RAB11FIP3: variants seen among roughly 807,000 people sequenced by gnomAD.
The protein encoded by RAB11FIP3 is RAB11 family interacting protein 3.
In RAB11FIP3, 17 loss-of-function variants were observed where a neutral mutation model predicts 77.8. That is an observed-to-expected ratio of 0.22 (90% CI 0.15 to 0.33). The LOEUF (loss-of-function observed/expected upper bound fraction) is 0.33, where lower values mean the gene tolerates loss of function less well. Among genes scored for constraint, RAB11FIP3 ranks in the 10% least tolerant of loss-of-function variants. The pLI, the probability that RAB11FIP3 is intolerant of heterozygous loss-of-function variation, is 1.00. For missense variants in RAB11FIP3, 1,005 were observed against 1,011.2 expected, an observed-to-expected ratio of 0.99 and a Z score of 0.08; for synonymous variants, 437 against 448.2, an observed-to-expected ratio of 0.98 and a Z score of 0.31.
rs138573944 is a variant in RAB11FIP3, at chr16:430,753, C to T, written c.714+4033C>T. 6.5e-3 allele frequency among the ~76,000 whole-genome samples: 980 copies of T among 151,712 alleles called. 17 individuals are homozygous for T. Among genetic ancestry groups the T allele is most frequent in the African/African-American group, 0.023 (929 of 41,008 alleles). On this transcript the variant is annotated intron_variant, in intron 1 of 13. Coordinates refer to ENST00000262305, the MANE Select transcript of RAB11FIP3 (RefSeq NM_014700.4). ...AAAATTGGCTGGGTGCAGTGGCTCA[C>T]GCCTGTAATCCCAGCATTTTGGGAG...
chr16:495,095 C>G (rs1280213920), intron 5 of RAB11FIP3, among the ~76,000 whole-genome samples: 4 of 152,160 alleles, frequency 2.6e-5, no homozygotes, highest in African/African-American at 9.7e-5. Flanking sequence ...GCCACAGAGT[C>G]ATACCTTGCC....
chr16:495,050 G>GAGGTGGGAGGATCACATGAT (rs2030993906), intron 5 of RAB11FIP3, among the ~76,000 whole-genome samples: 4 of 150,376 alleles, frequency 2.7e-5, no homozygotes, highest in Non-Finnish European at 4.5e-5. Flanking sequence ...CGAGGCTGCA[G>GAGGTGGGAGGATCACATGAT]CGAGCTGTGG....
At chr16:443,698 T>A (rs547393531) in intron 1 of RAB11FIP3, among the ~76,000 whole-genome samples, 2 of 152,132 alleles carry the variant, frequency 1.3e-5, no homozygotes, top group Non-Finnish European at 2.9e-5. Flanking sequence ...CCCGAATAGC[T>A]GGGACTACAG....
intron 1 of RAB11FIP3, among the ~76,000 whole-genome samples, chr16:449,190 T>C (rs941015070): frequency 3.9e-5 from 6 of 152,064 alleles, no homozygotes; most frequent in African/African-American, 1.4e-4. Flanking sequence ...CACATCCTCC[T>C]CCAGGCCTGT....
rs974279356 is a variant in RAB11FIP3 at position 520,178 on chromosome 16, C to T, written c.1917C>T (p.Ala639=). 1.2e-5 allele frequency: 18 copies of T among 1,546,692 alleles called. No individual in the cohort carries two copies. The highest frequency in any genetic ancestry group is 3.6e-5 in the South Asian group (3 of 84,256). The change falls in exon 12 of 14, where the codon GCC becomes GCT. Residue 639 remains alanine, a synonymous_variant. Transcript: ENST00000262305. ...LEHLQLLKLE[A]EQRRGRSSSM... ...ACCTGCAGCTCCTCAAGCTGGAGGC[C>T]GAGCAGCGGCGGGGCCGCAGCAGCA...
intron 1 of RAB11FIP3, among the ~76,000 whole-genome samples, chr16:455,756 T>G (rs1003781868): frequency 2.6e-5 from 4 of 151,992 alleles, no homozygotes; most frequent in African/African-American, 9.7e-5. Flanking sequence ...GACCGACGAA[T>G]TTTTTGGAAT....
Position 494,532 on chromosome 16 carries a change from G to A in RAB11FIP3, c.1266-2292G>A, listed in dbSNP as rs2030926509. Among the ~76,000 whole-genome samples the A allele has an allele frequency of 2.0e-5, 3 of 152,014 alleles. No homozygotes were observed. The South Asian group carries it at 6.2e-4, about 32-fold the overall frequency. On this transcript the variant is annotated intron_variant, in intron 5 of 13. Coordinates refer to ENST00000262305, the MANE Select transcript of RAB11FIP3 (RefSeq NM_014700.4). ...AGCTACTCGGGAGGCTGAGGCCGGA[G>A]AATGGCGTGAACCCGGGAGGTGGAA...
rs971796443 is a variant in RAB11FIP3, at chr16:506,498, G to A, written c.1499+871G>A. Among the ~76,000 whole-genome samples the A allele has an allele frequency of 6.6e-6, 1 of 152,116 alleles. No homozygotes were observed. Among genetic ancestry groups the A allele is most frequent in the Non-Finnish European group, 1.5e-5 (1 of 68,040 alleles). ...TCCACATATTCTCAGCTCGGCCAAG[G>A]GCCCTGTCCCTTGAAGCTTCAGTGT... On this transcript the variant is annotated intron_variant, in intron 8 of 13. Coordinates refer to ENST00000262305, the MANE Select transcript of RAB11FIP3 (RefSeq NM_014700.4). This position sits in a 1 kb window ranked among gnomAD's most constrained non-coding sequence, Gnocchi z 4.5.
intron 1 of RAB11FIP3, among the ~76,000 whole-genome samples, chr16:458,227 G>C (rs577676025): frequency 6.6e-6 from 1 of 152,368 alleles, no homozygotes; most frequent in East Asian, 1.9e-4. Context: ...GGGCTCTCTG[G>C]ATTGCCTCCT....
intron 8 of RAB11FIP3, among the ~76,000 whole-genome samples, chr16:508,207 G>C (rs1006917385): frequency 2.6e-5 from 4 of 152,218 alleles, no homozygotes; most frequent in Middle Eastern, 3.2e-3. Flanking sequence ...CGAATTCCCT[G>C]AGAATGTGAA....
chr16:469,435 C>T (rs138629369), intron 2 of RAB11FIP3, among the ~76,000 whole-genome samples: 1 of 151,596 alleles, frequency 6.6e-6, no homozygotes, highest in Non-Finnish European at 1.5e-5. Context: ...CACTTTGTCA[C>T]CCAGGTTGGA....
chr16:488,107 G>C (rs529351604), intron 4 of RAB11FIP3, among the ~76,000 whole-genome samples: 1 of 152,364 alleles, frequency 6.6e-6, no homozygotes, highest in South Asian at 2.1e-4. Flanking sequence ...CGGGCCAGGC[G>C]TGGTGGCTCA....
intron 9 of RAB11FIP3, among the ~76,000 whole-genome samples, chr16:517,092 G>A (rs1195997985): frequency 3.3e-5 from 5 of 152,178 alleles, no homozygotes; most frequent in African/African-American, 1.2e-4. Flanking sequence ...GTGACGGGAA[G>A]GGCCCCGCAC....
At chr16:511,871 GT>G (rs2032191628) in intron 9 of RAB11FIP3, among the ~76,000 whole-genome samples, 1 of 127,376 alleles carries the variant, frequency 7.9e-6, no homozygotes, top group African/African-American at 3.2e-5. Context: ...CCAGGTAGGA[GT>G]AGTTCCCTGA....
chr16:520,478 A>G lies in RAB11FIP3; in HGVS notation c.2036A>G (p.Glu679Gly), dbSNP rs2032634374. The G allele has an allele frequency of 1.2e-6, 2 of 1,613,490 alleles. No homozygotes were observed. The highest frequency in any genetic ancestry group is 1.7e-6 in the Non-Finnish European group (2 of 1,179,988). ...CTTCAGGACAACCGCAACCTGAAGG[A>G]GCAGAACGAGGAGCTGAACGGGCAG... ...RLKQDNRNLK[E>G]QNEELNGQII... Residue 679 changes from glutamate (E) to glycine (G), a missense_variant, in exon 13 of 14, where the codon GAG becomes GGG. Around this residue, in one of 4 missense-constraint regions of RAB11FIP3, gnomAD observed 90 missense variants for 129.7 expected, o/e 0.69. Coordinates refer to ENST00000262305, the MANE Select transcript of RAB11FIP3 (RefSeq NM_014700.4).
At chr16:492,353 A>G (rs2030314062) in intron 5 of RAB11FIP3, among the ~76,000 whole-genome samples, 1 of 31,614 alleles carries the variant, frequency 3.2e-5, no homozygotes, top group African/African-American at 4.7e-4. Flanking sequence ...GTGCTCTTTG[A>G]AGAGGGTCTT....
intron 1 of RAB11FIP3, among the ~76,000 whole-genome samples, chr16:431,626 C>T (rs922375158): frequency 2.0e-5 from 3 of 152,174 alleles, no homozygotes; most frequent in African/African-American, 7.2e-5. Context: ...CCACCTGCCT[C>T]AGCCTCCCAA....
intron 1 of RAB11FIP3, among the ~76,000 whole-genome samples, chr16:460,381 G>C (rs565543023): frequency 6.6e-6 from 1 of 152,164 alleles, no homozygotes; most frequent in South Asian, 2.1e-4. Flanking sequence ...ATAGGCAAAC[G>C]TGTGCCATGG....
At chr16:518,876 CAG>C in intron 9 of RAB11FIP3, 65 bp from the exon 10 acceptor site, 9 of 1,549,504 alleles carry the variant, frequency 5.8e-6, no homozygotes, top group Non-Finnish European at 8.0e-6. Flanking sequence ...CCCTGAGACA[CAG>C]GGCACACTGG....
Sources: gnomAD v4.1 joint callset for allele counts (sites outside exome capture counted in the v4.1 genomes callset) on GRCh38, gnomAD v4.1.1 for gene constraint, gnomAD v4.1.1 regional missense constraint, Gnocchi (gnomAD v3.1) non-coding constraint, MANE v1.5 for transcripts, NCBI Gene and HGNC (gene_info 2026-07-23, HGNC 2026-07-21) for gene names.